NPRL3: variants seen among roughly 807,000 people sequenced by gnomAD.
NPRL3 encodes the protein NPR3 like, GATOR1 complex subunit.
A neutral mutation model predicts 57.2 loss-of-function variants in NPRL3; 23 were observed. The observed-to-expected ratio is 0.40, with a 90% CI of 0.29 to 0.57. NPRL3 has a LOEUF of 0.57. Among genes scored for constraint, NPRL3 ranks in the 20% least tolerant of loss-of-function variants. The pLI is 0.42. For missense variants in NPRL3, 691 were observed against 767.1 expected (o/e 0.90, Z 1.17); for synonymous variants, 333 against 321.1 (o/e 1.04, Z -0.39).
intron 2 of NPRL3, among the ~76,000 whole-genome samples, chr16:133,834 T>A (rs1207019536): frequency 6.6e-6 from 1 of 152,216 alleles, no homozygotes; most frequent in Non-Finnish European, 1.5e-5. Context: ...ATTCTTTATT[T>A]CACTTGAACC....
intron 6 of NPRL3, 118 bp from the exon 7 acceptor site, chr16:110,724 A>G (rs1733938278): frequency 1.3e-6 from 1 of 776,094 alleles, no homozygotes; most frequent in Non-Finnish European, 2.1e-6. Flanking sequence ...ATTTTTTTGT[A>G]TTTTTGGTAG....
intron 6 of NPRL3, among the ~76,000 whole-genome samples, chr16:111,399 A>G (rs946500651): frequency 1.1e-4 from 17 of 152,100 alleles, no homozygotes; most frequent in Non-Finnish European, 1.9e-4. Context: ...AAAACAAAAG[A>G]AAAACTTTAT....
intron 13 of NPRL3, among the ~76,000 whole-genome samples, chr16:88,387 C>CAA (rs56670370): frequency 1.1e-4 from 14 of 130,932 alleles, no homozygotes; most frequent in African/African-American, 3.2e-4. Flanking sequence ...GACTCCGTCT[C>CAA]AAAAAAAAAA....
Position 138,133 on chromosome 16 carries a change from G to GC in NPRL3, c.118+16dup. 6.4e-7 allele frequency: 1 copy of GC among 1,571,146 alleles called. No individual in the cohort carries two copies. The highest frequency in any genetic ancestry group is 8.6e-7 in the Non-Finnish European group (1 of 1,156,682). The stretch of plus-strand genomic sequence containing the variant: ...CGGCCCCCGCGAGCGCCAGGCCCCC[G>GC]CCCAGCGCTCACTTACTTGTCTGGG... On this transcript the variant is annotated intron_variant, in intron 2 of 13. Coordinates refer to ENST00000611875, the MANE Select transcript of NPRL3 (RefSeq NM_001077350.3).
chr16:128,053 G>A (rs1374129826), intron 3 of NPRL3, among the ~76,000 whole-genome samples: 1 of 146,324 alleles, frequency 6.8e-6, no homozygotes, highest in South Asian at 2.2e-4. Flanking sequence ...GTGCAGTGGC[G>A]TGATCTCAGC....
chr16:102,903 G>A (rs1294472661), intron 7 of NPRL3, among the ~76,000 whole-genome samples: 1 of 152,096 alleles, frequency 6.6e-6, no homozygotes, highest in African/African-American at 2.4e-5. Flanking sequence ...TTTGGTCAGG[G>A]TCTTTGCAGG....
At position 119,206 on chromosome 16, in the gene NPRL3, A is replaced by G; in HGVS notation, c.238T>C (p.Cys80Arg). The G allele has an allele frequency of 6.2e-7, 1 of 1,612,042 alleles. No homozygotes were observed. Among genetic ancestry groups the G allele is most frequent in the South Asian group, 1.1e-5 (1 of 90,634 alleles). ...ATILATKSEM[C>R]GQKFELKIDN... ...ATCTTCAGTTCAAATTTTTGGCCAC[A>G]CATTTCAGACTTGGTTGCCAAAATT... The change falls in exon 4 of 14, where the codon TGT becomes CGT. Residue 80 changes from cysteine to arginine, a missense_variant. Cys to Arg is a radical substitution (Grantham distance 180). Coordinates refer to ENST00000611875, the MANE Select transcript of NPRL3 (RefSeq NM_001077350.3).
Position 113,218 on chromosome 16 carries a change from C to G in NPRL3, c.394-443G>C, listed in dbSNP as rs183846513. ...GTGGTCACCACTGTACTGCTGACTA[C>G]TGGTAGGCAGAACCAGTCTACAATT... On this transcript the variant is annotated intron_variant, in intron 5 of 13. Coordinates refer to ENST00000611875, the MANE Select transcript of NPRL3 (RefSeq NM_001077350.3). 3.2e-3 allele frequency among the ~76,000 whole-genome samples: 481 copies of G among 152,336 alleles called. 2 individuals are homozygous for G. Among genetic ancestry groups the G allele is most frequent in the Non-Finnish European group, 1.7e-3 (114 of 68,036 alleles).
At chr16:130,190 T>C (rs1004267731) in intron 3 of NPRL3, among the ~76,000 whole-genome samples, 23 of 152,156 alleles carry the variant, frequency 1.5e-4, no homozygotes, top group Admixed American at 4.6e-4. Flanking sequence ...CTCAAGGAAT[T>C]AGATCCAAAG....
intron 2 of NPRL3, among the ~76,000 whole-genome samples, chr16:137,516 G>C (rs879375938): frequency 1.5e-4 from 23 of 152,074 alleles, no homozygotes; most frequent in Non-Finnish European, 2.4e-4. Flanking sequence ...TGCTAGAACT[G>C]GGGGTGGCAA....
Position 95,782 on chromosome 16 carries a change from C to T in NPRL3, c.924+2363G>A, listed in dbSNP as rs535515677. Among the ~76,000 whole-genome samples the T allele has an allele frequency of 3.3e-5, 5 of 152,260 alleles. No homozygotes were observed. The East Asian group carries it at 9.7e-4, about 29-fold the overall frequency. On this transcript the variant is annotated intron_variant, in intron 9 of 13. Transcript: ENST00000611875. ...ACAGGGTCTTCCTATGTTGCCTAGG[C>T]TGGTCGTGACCTCCTGGGCTTAGGC...
rs1216978047 is a variant in NPRL3, at chr16:98,424, G to C, written c.768-123C>G. 5 of 1,073,100 alleles carry C rather than the reference G, an allele frequency of 4.7e-6. No individual in the cohort carries two copies. In the Admixed American group the frequency reaches 1.2e-4, roughly 26 times the overall value. The allele number at this position is 1,073,100 out of a possible 1,614,324, so 66.5% of individuals were successfully genotyped here. A position where few individuals can be genotyped will look rare whatever the true frequency, so the allele number is the denominator to read the frequency against. On this transcript the variant is annotated intron_variant, in intron 8 of 13. Coordinates refer to ENST00000611875, the MANE Select transcript of NPRL3 (RefSeq NM_001077350.3). ...AGGTCCTGCACCAGGTATGCACCGG[G>C]TATGCACCAGGTATGCACCTGGGAC...
chr16:119,300 C>A (rs1900186709), intron 3 of NPRL3, 45 bp from the exon 4 acceptor site: 1 of 1,552,888 alleles, frequency 6.4e-7, no homozygotes. Context: ...TAACAAAATA[C>A]CACAGCACCA....
In NPRL3 at chr16:97,258, CT is replaced by C. The variant is rs528855343; in HGVS notation, c.924+886del. Among the ~76,000 whole-genome samples, 1,382 of 144,754 alleles carry C rather than the reference CT, an allele frequency of 9.5e-3. 26 individuals are homozygous for C. The highest frequency in any genetic ancestry group is 0.048 in the Admixed American group (695 of 14,546). 95.0% of individuals were successfully genotyped at this position (144,754 alleles called of 152,430 possible). ...CCCCTGCTTCTGATTTCTCCCCGTG[CT>C]TTTTTTTTTTTTGGAAACAGAGTCG... is the stretch of plus-strand genomic sequence containing the variant. On this transcript the variant is annotated intron_variant, in intron 9 of 13. Coordinates refer to ENST00000611875, the MANE Select transcript of NPRL3 (RefSeq NM_001077350.3).
intron 4 of NPRL3, among the ~76,000 whole-genome samples, chr16:118,366 G>T (rs914672358): frequency 2.6e-5 from 4 of 152,158 alleles, no homozygotes; most frequent in Non-Finnish European, 4.4e-5. Context: ...TATTCATCAA[G>T]AGAACATATA....
chr16:117,981 C>A (rs1168947344), intron 4 of NPRL3, among the ~76,000 whole-genome samples: 1 of 152,240 alleles, frequency 6.6e-6, no homozygotes, highest in Non-Finnish European at 1.5e-5. Context: ...ATCCCCTACC[C>A]CTGACTGCCA....
In NPRL3 at chr16:85,591, A is replaced by G. The variant is rs763965647; in HGVS notation, c.*1114T>C. The G allele has an allele frequency of 1.9e-6, 3 of 1,612,832 alleles. No homozygotes were observed. The African/African-American group carries it at 4.0e-5, about 22-fold the overall frequency. ...AGAGCTTTGACCAGAGGGACCTGGC[A>G]CAGGATGAAGCTGTATGGCTGGAGC... On this transcript the variant is annotated 3_prime_UTR_variant, in exon 14 of 14. Coordinates refer to ENST00000611875, the MANE Select transcript of NPRL3 (RefSeq NM_001077350.3).
At chr16:102,189 G>A (rs138996589) in intron 7 of NPRL3, among the ~76,000 whole-genome samples, 265 of 152,298 alleles carry the variant, frequency 1.7e-3, no homozygotes, top group African/African-American at 6.0e-3. Flanking sequence ...TTCACCAGGA[G>A]CTTCTAAAAC....
rs773244697 is a variant in NPRL3 at position 85,594 on chromosome 16, G to C, written c.*1111C>G. The C allele has an allele frequency of 6.2e-7, 1 of 1,612,190 alleles. No homozygotes were observed. The highest frequency in any genetic ancestry group is 1.1e-5 in the South Asian group (1 of 91,030). On this transcript the variant is annotated 3_prime_UTR_variant, in exon 14 of 14. Transcript: ENST00000611875. ...GCTTTGACCAGAGGGACCTGGCACA[G>C]GATGAAGCTGTATGGCTGGAGCGTG...
Sources: allele counts gnomAD v4.1 joint callset (sites outside exome capture counted in the v4.1 genomes callset), GRCh38; gene constraint gnomAD v4.1.1; transcripts MANE v1.5; gene names NCBI Gene and HGNC (gene_info 2026-07-23, HGNC 2026-07-21).